The following MYO16 variants were observed in gnomAD, a reference collection of about 807,000 sequenced individuals.
The protein encoded by MYO16 is unconventional myosin-XVI.
MYO16 carries 94 observed loss-of-function variants against 205.3 expected under a neutral mutation model. The ratio of observed to expected loss-of-function variants is 0.46; its 90% CI spans 0.39 to 0.54. MYO16 has a LOEUF of 0.54. Among genes scored for constraint, MYO16 ranks in the 20% least tolerant of loss-of-function variants. MYO16 has a pLI of 0.00. For missense variants in MYO16, 2,315 were observed against 2,387.5 expected, an observed-to-expected ratio of 0.97 and a Z score of 0.63; for synonymous variants, 988 against 954.0, an observed-to-expected ratio of 1.04 and a Z score of -0.66.
At chr13:109,192,284 T>C (rs1388191033) in intron 34 of MYO16, among the ~76,000 whole-genome samples, 1 of 152,224 alleles carries the variant, frequency 6.6e-6, no homozygotes, top group Non-Finnish European at 1.5e-5. Context: ...TTTTATACAC[T>C]TGCAGGTGAT....
intron 7 of MYO16, among the ~76,000 whole-genome samples, chr13:108,817,622 T>G (rs1460092866): frequency 6.6e-6 from 1 of 152,200 alleles, no homozygotes; most frequent in African/African-American, 2.4e-5. Flanking sequence ...AACTGTGCGC[T>G]TATTAGTGTC....
chr13:109,146,238 A>G (rs1877323280), intron 32 of MYO16, among the ~76,000 whole-genome samples: 2 of 152,222 alleles, frequency 1.3e-5, no homozygotes, highest in Admixed American at 1.3e-4. Flanking sequence ...GATTACATAA[A>G]TATTCTGAAT....
intron 27 of MYO16, among the ~76,000 whole-genome samples, chr13:109,064,194 T>C (rs1887673319): frequency 6.6e-6 from 1 of 152,196 alleles, no homozygotes; most frequent in South Asian, 2.1e-4. Context: ...CTATATAATA[T>C]CCTCAGTTTT....
chr13:108,607,779 A>G (rs1879015423), intron 1 of MYO16, among the ~76,000 whole-genome samples: 1 of 152,148 alleles, frequency 6.6e-6, no homozygotes. Flanking sequence ...GACTGAACTC[A>G]ATGTGCTCAC....
At chr13:109,051,056 A>G (rs1221973118) in intron 24 of MYO16, among the ~76,000 whole-genome samples, 1 of 152,176 alleles carries the variant, frequency 6.6e-6, no homozygotes, top group African/African-American at 2.4e-5. Flanking sequence ...GATTGCTTTT[A>G]GGACCTTTTG....
In MYO16 at chr13:108,927,037, C is replaced by T. The variant is rs138468759; in HGVS notation, c.1925+16887C>T. ...GTGTAGCATGACAACAAGGTACACA[C>T]GTGGCCCTCAGTCAAGAGCCATGTC... On this transcript the variant is annotated intron_variant, in intron 16 of 34. Transcript: ENST00000457511. Among the ~76,000 whole-genome samples, 8 of 152,150 alleles carry T rather than the reference C, an allele frequency of 5.3e-5. 1 individual carries two copies. Among genetic ancestry groups the T allele is most frequent in the East Asian group, 3.9e-4 (2 of 5,160 alleles).
At chr13:109,182,766 T>TA (rs1011025795) in intron 34 of MYO16, among the ~76,000 whole-genome samples, 10 of 152,056 alleles carry the variant, frequency 6.6e-5, no homozygotes, top group East Asian at 1.9e-4. Flanking sequence ...GTTGTTTATG[T>TA]AAAAAAAATA....
At chr13:108,707,655 G>A (rs1313804333) in intron 2 of MYO16, among the ~76,000 whole-genome samples, 1 of 152,160 alleles carries the variant, frequency 6.6e-6, no homozygotes, top group Non-Finnish European at 1.5e-5. Context: ...AGTCTCAATG[G>A]CAAATTAATG....
upstream of MYO16, among the ~76,000 whole-genome samples, chr13:108,626,520 A>G (rs962997466): frequency 6.6e-6 from 1 of 152,184 alleles, no homozygotes; most frequent in Non-Finnish European, 1.5e-5. Context: ...TTAAAATATA[A>G]GATTTAGCCG....
At chr13:109,174,317 AG>A (rs1334339884) in intron 33 of MYO16, among the ~76,000 whole-genome samples, 1 of 152,206 alleles carries the variant, frequency 6.6e-6, no homozygotes, top group African/African-American at 2.4e-5. Flanking sequence ...AGTTTAGGCC[AG>A]GGTTCCAGGA....
the MYO16 span, among the ~76,000 whole-genome samples, chr13:108,534,758 C>T: frequency 6.6e-6 from 1 of 151,708 alleles, no homozygotes; most frequent in Middle Eastern, 3.4e-3. Flanking sequence ...CCTCCTCCTC[C>T]TCCTCTTCTT....
At chr13:109,079,951 C>T (rs1194913967) in intron 27 of MYO16, among the ~76,000 whole-genome samples, 3 of 149,974 alleles carry the variant, frequency 2.0e-5, no homozygotes, top group African/African-American at 7.4e-5. Flanking sequence ...TCTCAGCTCA[C>T]TGCAACCTCC....
chr13:109,033,834 GGGC>G (rs1886623181), intron 23 of MYO16, among the ~76,000 whole-genome samples: 1 of 152,110 alleles, frequency 6.6e-6, no homozygotes, highest in African/African-American at 2.4e-5. Flanking sequence ...TGGAAGAATT[GGGC>G]TATGAAAAGT....
intron 3 of MYO16, among the ~76,000 whole-genome samples, chr13:108,720,804 T>C (rs541126423): frequency 6.6e-6 from 1 of 152,290 alleles, no homozygotes; most frequent in Non-Finnish European, 1.5e-5. Context: ...ATTTTAAAAA[T>C]TGGTGAAAGA....
chr13:108,950,405 A>G (rs1006078772), intron 16 of MYO16, among the ~76,000 whole-genome samples: 2 of 152,236 alleles, frequency 1.3e-5, no homozygotes, highest in African/African-American at 4.8e-5. Context: ...TTCACCAAAT[A>G]TGAATATACG....
intron 32 of MYO16, among the ~76,000 whole-genome samples, chr13:109,149,031 C>A (rs1311768565): frequency 6.6e-6 from 1 of 152,158 alleles, no homozygotes; most frequent in African/African-American, 2.4e-5. Flanking sequence ...GGAATCAGAG[C>A]CTGATAGGCT....
Position 109,127,971 on chromosome 13 carries a change from T to A in MYO16, c.4051+421T>A, listed in dbSNP as rs770897236. Among the ~76,000 whole-genome samples, 1 of 152,058 alleles carries A rather than the reference T, an allele frequency of 6.6e-6. No homozygotes were observed. The highest frequency in any genetic ancestry group is 1.5e-5 in the Non-Finnish European group (1 of 68,004). ...AAATTATTTACCCATAGGAGAGTCA[T>A]CGTGCAGGAAACTTCTGTTAGGAAA... On this transcript the variant is annotated intron_variant, in intron 31 of 34. Coordinates refer to ENST00000457511, the MANE Select transcript of MYO16 (RefSeq NM_001198950.3). The surrounding 1 kb of genome is among the most constrained non-coding windows in gnomAD (Gnocchi z 4.2).
intron 7 of MYO16, among the ~76,000 whole-genome samples, chr13:108,812,311 A>G (rs1887318870): frequency 1.3e-5 from 2 of 152,334 alleles, no homozygotes; most frequent in African/African-American, 4.8e-5. Context: ...TTAGTCTGTA[A>G]GAAGTGAATG....
intron 3 of MYO16, among the ~76,000 whole-genome samples, chr13:108,723,078 C>T (rs1440145712): frequency 3.3e-5 from 5 of 152,020 alleles, no homozygotes; most frequent in South Asian, 2.1e-4. Context: ...ACTCTTGAGA[C>T]GATCTGATAA....
Sources: allele counts gnomAD v4.1 joint callset (sites outside exome capture counted in the v4.1 genomes callset), GRCh38; gene constraint gnomAD v4.1.1; non-coding constraint Gnocchi (gnomAD v3.1); transcripts MANE v1.5; gene names NCBI Gene and HGNC (gene_info 2026-07-23, HGNC 2026-07-21).